NUP62: variants seen among roughly 807,000 people sequenced by gnomAD.
NUP62 encodes the protein nucleoporin 62, also known as nuclear pore glycoprotein p62.
For synonymous variants in NUP62, 305 were observed against 303.4 expected (o/e 1.01, Z -0.05); for missense variants, 647 against 689.4 (o/e 0.94, Z 0.69).
intron 2 of NUP62, among the ~76,000 whole-genome samples, chr19:49,913,580 G>A (rs1489787196): frequency 2.0e-5 from 3 of 152,244 alleles, no homozygotes; most frequent in East Asian, 1.9e-4. Flanking sequence ...AGGGAGAACT[G>A]AGCACTGTCC....
At position 49,908,974 on chromosome 19, in the gene NUP62, G is replaced by C. The variant is rs368282671; in HGVS notation, c.834C>G (p.Thr278=). Residue 278 remains threonine (T), a synonymous_variant, in exon 3 of 3, where the codon ACC becomes ACG. Coordinates refer to ENST00000352066, the MANE Select transcript of NUP62 (RefSeq NM_016553.5). ...TGCTGCTGCTGCTGGTGGTGGTGGC[G>C]GTGGCGGTGGCAGCGGTGGATGTTG... is the stretch of plus-strand genomic sequence containing the variant. The part of the protein sequence containing the change: ...STTTSTAATA[T]ATTTSSSSTT... 1 of 1,609,516 alleles carries C rather than the reference G, an allele frequency of 6.2e-7. No homozygotes were observed. The highest frequency in any genetic ancestry group is 1.7e-5 in the Admixed American group (1 of 59,930).
Position 49,908,203 on chromosome 19 carries a change from T to TCCCTAGGGA in NUP62, c.*27_*35dup. 6.2e-7 allele frequency: 1 copy of TCCCTAGGGA among 1,607,906 alleles called. No homozygotes were observed. The highest frequency in any genetic ancestry group is 1.3e-5 in the African/African-American group (1 of 74,988). ...AACAGGGCGCATTCCCCTCATGAAC[T>TCCCTAGGGA]CCCTAGGGACCTGCGGGCCCCAGGG... is the stretch of plus-strand genomic sequence containing the variant. On this transcript the variant is annotated 3_prime_UTR_variant, in exon 3 of 3. Coordinates refer to ENST00000352066, the MANE Select transcript of NUP62 (RefSeq NM_016553.5).
Position 49,929,377 on chromosome 19 carries a change from G to T in NUP62, c.-251C>A, listed in dbSNP as rs573611763. 7 of 154,170 alleles carry T rather than the reference G, an allele frequency of 4.5e-5. No individual in the cohort carries two copies. Among genetic ancestry groups the T allele is most frequent in the Admixed American group, 3.9e-4 (6 of 15,320 alleles). The allele number at this position is 154,170 out of a possible 1,614,324, so 9.6% of individuals were successfully genotyped here. On this transcript the variant is annotated 5_prime_UTR_variant, in exon 1 of 3. Transcript: ENST00000352066. The stretch of plus-strand genomic sequence containing the variant: ...TCTTTCTTCAGCCGAGGCCGCCGCC[G>T]CCTCTCCTTGCTGCAGCCATGGAGT...
At position 49,918,504 on chromosome 19, in the gene NUP62, A is replaced by G. The variant is rs571957104; in HGVS notation, c.-77-8620T>C. The G allele has an allele frequency of 2.0e-5, 3 of 152,354 alleles. No individual in the cohort carries two copies. The South Asian group carries it at 6.2e-4, about 32-fold the overall frequency. 9.4% of individuals were successfully genotyped at this position (152,354 alleles called of 1,614,324 possible). ...AGTAGGGAGGGAGGAAGGGACAGGG[A>G]TACCTGTGGGTTTTCAACTGTCCTC... is the stretch of plus-strand genomic sequence containing the variant. On this transcript the variant is annotated intron_variant, in intron 2 of 2. Coordinates refer to ENST00000352066, the MANE Select transcript of NUP62 (RefSeq NM_016553.5).
Position 49,908,764 on chromosome 19 carries a change from C to T in NUP62, c.1044G>A (p.Glu348=). 1 of 1,613,786 alleles carries T rather than the reference C, an allele frequency of 6.2e-7. No homozygotes were observed. Among genetic ancestry groups the T allele is most frequent in the Non-Finnish European group, 8.5e-7 (1 of 1,180,046 alleles). Residue 348 remains glutamate (E), a synonymous_variant, in exon 3 of 3, where the codon GAG becomes GAA. Transcript: ENST00000352066. Reference sequence around the variant, plus strand: ...GGGTGGCCTGCTGGAGGAAGTGCCGCTCCTGGTCCTCTAGCTCCAGGCTCC... The same window carrying T: ...GGGTGGCCTGCTGGAGGAAGTGCCGTTCCTGGTCCTCTAGCTCCAGGCTCC... ...NKWSLELEDQ[E]RHFLQQATQV...
chr19:49,915,129 G>A (rs2075591164), intron 2 of NUP62, among the ~76,000 whole-genome samples: 1 of 152,100 alleles, frequency 6.6e-6, no homozygotes, highest in Non-Finnish European at 1.5e-5. Flanking sequence ...AGGAAAGGAA[G>A]AATTAGGAAG....
intron 2 of NUP62, among the ~76,000 whole-genome samples, chr19:49,910,784 G>A (rs2075444332): frequency 6.6e-6 from 1 of 152,196 alleles, no homozygotes; most frequent in South Asian, 2.1e-4. Flanking sequence ...TTTCCATTCA[G>A]TTCAAACTGA....
rs2076015349 is a variant in NUP62, at chr19:49,929,491, G to C, written c.-365C>G. 6.6e-6 allele frequency: 1 copy of C among 152,382 alleles called. No individual in the cohort carries two copies. The highest frequency in any genetic ancestry group is 2.4e-5 in the African/African-American group (1 of 41,436). The allele number at this position is 152,382 out of a possible 1,614,324, so 9.4% of individuals were successfully genotyped here. A position where few individuals can be genotyped will look rare whatever the true frequency, so the allele number is the denominator to read the frequency against. On this transcript the variant is annotated 5_prime_UTR_variant, in exon 1 of 3. Transcript: ENST00000352066. ...AGGGAGCCCTGGGGGGTGGGGAGTC[G>C]CGAGCGGGGAATCACGGTCGCGCAG...
chr19:49,913,849 G>C (rs1055532009), intron 2 of NUP62, among the ~76,000 whole-genome samples: 6 of 152,114 alleles, frequency 3.9e-5, no homozygotes, highest in African/African-American at 1.4e-4. Flanking sequence ...CTAACGGTTC[G>C]GGCGTTATAT....
At chr19:49,926,679 T>C (rs1231188084) in intron 2 of NUP62, among the ~76,000 whole-genome samples, 1 of 152,206 alleles carries the variant, frequency 6.6e-6, no homozygotes. Context: ...CTACCCTTAA[T>C]TCCATCTGCT....
chr19:49,916,508 T>G (rs2075627499), intron 2 of NUP62, among the ~76,000 whole-genome samples: 1 of 151,776 alleles, frequency 6.6e-6, no homozygotes, highest in Non-Finnish European at 1.5e-5. Flanking sequence ...GCGCGGTGGC[T>G]CACGCCTGTA....
At chr19:49,916,688 C>A (rs949227573) in intron 2 of NUP62, among the ~76,000 whole-genome samples, 1 of 151,276 alleles carries the variant, frequency 6.6e-6, no homozygotes, top group Admixed American at 6.6e-5. Context: ...GGCATCAACC[C>A]GGGAGGCGGA....
chr19:49,924,666 A>C (rs925451686), intron 2 of NUP62, among the ~76,000 whole-genome samples: 6 of 152,210 alleles, frequency 3.9e-5, no homozygotes, highest in Admixed American at 2.0e-4. Context: ...GAATGTGCAC[A>C]CGAGGGGACT....
rs1160423407 is a variant in NUP62, at chr19:49,907,157, A to G, written c.*1082T>C. On this transcript the variant is annotated 3_prime_UTR_variant, in exon 3 of 3. Transcript: ENST00000352066. ...AGTGGGTCTCTGCCCATGGGAACTC[A>G]CAATCTAACAGCGAGACGAGGCACA... 5.9e-6 allele frequency: 1 copy of G among 168,748 alleles called. No homozygotes were observed. Among genetic ancestry groups the G allele is most frequent in the African/African-American group, 2.4e-5 (1 of 41,534 alleles). 10.5% of individuals were successfully genotyped at this position (168,748 alleles called of 1,614,324 possible).
chr19:49,912,238 C>T (rs1008619847), intron 2 of NUP62, among the ~76,000 whole-genome samples: 4 of 143,254 alleles, frequency 2.8e-5, no homozygotes, highest in East Asian at 2.1e-4. Context: ...GGCATGATCT[C>T]GGCTCACTGC....
chr19:49,914,744 T>G (rs1319827784), intron 2 of NUP62, among the ~76,000 whole-genome samples: 5 of 130,932 alleles, frequency 3.8e-5, no homozygotes, highest in Non-Finnish European at 6.6e-5. Context: ...TTTTTTTTTT[T>G]TTTTTTTTTT....
chr19:49,908,959 G>C lies in NUP62; in HGVS notation c.849C>G (p.Ser283Arg), dbSNP rs756025011. ...TAATATATTT[S>R]SSSTTGFALN... ...AGGCAAAGCCGGTGGTGCTGCTGCT[G>C]CTGGTGGTGGTGGCGGTGGCGGTGG... The change falls in exon 3 of 3, where the codon AGC becomes AGG. Residue 283 changes from serine (S) to arginine (R), a missense_variant. Physicochemically the swap from Ser to Arg is moderately radical, Grantham distance 110. Coordinates refer to ENST00000352066, the MANE Select transcript of NUP62 (RefSeq NM_016553.5). 1.9e-6 allele frequency: 3 copies of C among 1,596,358 alleles called. No homozygotes were observed. In the East Asian group the frequency reaches 6.8e-5, roughly 36 times the overall value.
At chr19:49,911,277 GA>G (rs1458716764) in intron 2 of NUP62, 1 of 152,222 alleles carries the variant, frequency 6.6e-6, no homozygotes, top group Non-Finnish European at 1.5e-5. Context: ...AGACTGGAGT[GA>G]TGCGCTTTGG....
chr19:49,925,862 T>C (rs2075874033), intron 2 of NUP62, among the ~76,000 whole-genome samples: 1 of 152,196 alleles, frequency 6.6e-6, no homozygotes, highest in African/African-American at 2.4e-5. Context: ...GTATTATCTT[T>C]GCAACTTTTC....
Sources: allele counts gnomAD v4.1 joint callset (sites outside exome capture counted in the v4.1 genomes callset), GRCh38; gene constraint gnomAD v4.1.1; transcripts MANE v1.5; gene names NCBI Gene and HGNC (gene_info 2026-07-23, HGNC 2026-07-21).